HHLA2: variants seen among roughly 807,000 people sequenced by gnomAD.
HHLA2 encodes the protein HERV-H LTR-associating protein 2.
Under a neutral mutation model 45.9 loss-of-function variants are expected in HHLA2, and 48 were observed. The ratio of observed to expected loss-of-function variants is 1.05; its 90% confidence interval spans 0.83 to 1.33. The LOEUF (loss-of-function observed/expected upper bound fraction) is 1.33, where lower values mean the gene tolerates loss of function less well. Among genes scored for constraint, HHLA2 ranks in the 40% most tolerant of loss-of-function variants. The pLI is 0.00. For missense variants in HHLA2, 462 were observed against 494.3 expected (o/e 0.93, Z 0.62); for synonymous variants, 161 against 173.9 (o/e 0.93, Z 0.59).
In HHLA2 at chr3:108,357,843, G is replaced by C. The variant is rs765417491; in HGVS notation, c.686-1G>C. The stretch of plus-strand genomic sequence containing the variant: ...TGTTTTCTTTTCTATTGTGTTGTTA[G>C]ATGGCCTTCATAAAATGCAAAGTGA... On this transcript the variant is annotated splice_acceptor_variant, in intron 6 of 10. Transcript: ENST00000619531. LOFTEE classifies it high-confidence loss of function. The C allele has an allele frequency of 5.0e-6, 8 of 1,600,602 alleles. No individual in the cohort carries two copies. In the East Asian group the frequency reaches 1.8e-4, roughly 36 times the overall value.
At chr3:108,375,750 C>T (rs1317227517) in exon 9 of HHLA2, 3 of 1,610,462 alleles carry the variant, frequency 1.9e-6, no homozygotes, top group Non-Finnish European at 2.5e-6. Flanking sequence ...TGATCTACAG[C>T]CCAGCTAGAA....
intron 7 of HHLA2, among the ~76,000 whole-genome samples, chr3:108,361,486 T>C (rs150458125): frequency 6.6e-6 from 1 of 152,266 alleles, no homozygotes; most frequent in Non-Finnish European, 1.5e-5. Flanking sequence ...AGCACAAGAA[T>C]AGTGATGCTG....
rs767920847 is a variant in HHLA2, at chr3:108,376,565, A to G, written c.1224+8A>G. 6.2e-7 allele frequency: 1 copy of G among 1,610,606 alleles called. No homozygotes were observed. Among genetic ancestry groups the G allele is most frequent in the Non-Finnish European group, 8.5e-7 (1 of 1,177,564 alleles). On this transcript the variant is annotated splice_region_variant and intron_variant, in intron 10 of 10. Transcript: ENST00000619531. ...AATGGCGAAGAAAATGTGGTAAGGC[A>G]TTATTTCCTTTATCAAACCATATAC...
intron 2 of HHLA2, among the ~76,000 whole-genome samples, chr3:108,325,010 C>CT (rs888111964): frequency 1.3e-5 from 2 of 151,948 alleles, no homozygotes; most frequent in African/African-American, 4.8e-5. Context: ...AGACATCTCA[C>CT]TTTTTTTTAG....
At chr3:108,318,748 C>G (rs1458368123) in intron 2 of HHLA2, among the ~76,000 whole-genome samples, 1 of 152,182 alleles carries the variant, frequency 6.6e-6, no homozygotes, top group Non-Finnish European at 1.5e-5. Context: ...TTGCCTGTGT[C>G]TGTCTTTAAG....
intron 3 of HHLA2, among the ~76,000 whole-genome samples, chr3:108,333,702 A>G (rs369011137): frequency 3.3e-5 from 5 of 152,064 alleles, no homozygotes; most frequent in African/African-American, 1.2e-4. Context: ...AGAAATTCAG[A>G]TCTCGCTGAA....
At chr3:108,355,407 A>G in intron 6 of HHLA2, 26 bp downstream of exon 5, 1 of 1,591,350 alleles carries the variant, frequency 6.3e-7, no homozygotes, top group Non-Finnish European at 8.6e-7. Context: ...CTTTCTGTGT[A>G]CACGTGCTGT....
intron 7 of HHLA2, among the ~76,000 whole-genome samples, chr3:108,360,608 A>G (rs2081970039): frequency 6.6e-6 from 1 of 152,208 alleles, no homozygotes; most frequent in Non-Finnish European, 1.5e-5. Context: ...TAAATGATTC[A>G]TGGGGGTAGT....
Position 108,371,182 on chromosome 3 carries a change from C to T in HHLA2, c.1109-4568C>T, listed in dbSNP as rs556228064. On this transcript the variant is annotated intron_variant, in intron 8 of 10. Coordinates refer to ENST00000619531, the Ensembl canonical transcript of HHLA2. ...AGTGGGGGCCAATATTCAACATTCT[C>T]AAAGAAAAGAATTTTCAACCAGAAT... 2.7e-3 allele frequency among the ~76,000 whole-genome samples: 415 copies of T among 152,212 alleles called. 3 individuals carry two copies. Among genetic ancestry groups the T allele is most frequent in the African/African-American group, 9.6e-3 (398 of 41,544 alleles).
intron 3 of HHLA2, among the ~76,000 whole-genome samples, chr3:108,341,206 G>A (rs1347813324): frequency 1.3e-5 from 2 of 151,938 alleles, no homozygotes; most frequent in Non-Finnish European, 2.9e-5. Flanking sequence ...GCCCGCCTCG[G>A]CCTCCCAAAA....
At chr3:108,308,779 C>T (rs1050004369) in intron 1 of HHLA2, among the ~76,000 whole-genome samples, 6 of 152,138 alleles carry the variant, frequency 3.9e-5, no homozygotes, top group African/African-American at 9.7e-5. Flanking sequence ...AGCACCTTTT[C>T]GTATGCCTGT....
chr3:108,305,118 G>A (rs2016469), intron 1 of HHLA2, among the ~76,000 whole-genome samples: 50,212 of 152,084 alleles, frequency 0.33, 8,791 homozygotes, highest in Non-Finnish European at 0.38. Flanking sequence ...TTTTCTGCAT[G>A]GATTCAGATG....
At position 108,353,848 on chromosome 3, in the gene HHLA2, T is replaced by C. The variant is rs113866192; in HGVS notation, c.418+68T>C. On this transcript the variant is annotated intron_variant, in intron 5 of 10. Coordinates refer to ENST00000619531, the Ensembl canonical transcript of HHLA2. ...TTCCATGTTATTAGTAAGCGTCTTT[T>C]TCCTAATATGCCATGAGCTTCCTTC... 1.5e-5 allele frequency: 18 copies of C among 1,215,108 alleles called. 1 individual carries two copies. In the African/African-American group the frequency reaches 1.8e-4, roughly 12 times the overall value. 75.3% of individuals were successfully genotyped at this position (1,215,108 alleles called of 1,614,324 possible). A position where few individuals can be genotyped will look rare whatever the true frequency, so the allele number is the denominator to read the frequency against.
intron 2 of HHLA2, among the ~76,000 whole-genome samples, chr3:108,324,279 A>G (rs912654156): frequency 1.3e-5 from 2 of 152,192 alleles, no homozygotes; most frequent in African/African-American, 4.8e-5. Flanking sequence ...TGTGAATACA[A>G]GCATATATAT....
At chr3:108,335,817 G>A (rs146681511) in intron 3 of HHLA2, among the ~76,000 whole-genome samples, 13 of 152,122 alleles carry the variant, frequency 8.5e-5, no homozygotes, top group African/African-American at 3.1e-4. Context: ...TAGTGATAGG[G>A]GCTTTGTACA....
intron 3 of HHLA2, among the ~76,000 whole-genome samples, chr3:108,333,069 C>T (rs1348627698): frequency 2.0e-5 from 3 of 152,182 alleles, no homozygotes; most frequent in Non-Finnish European, 2.9e-5. Context: ...AATTTAAGAG[C>T]TCATGGTAAG....
chr3:108,305,243 G>A (rs2080910760), intron 1 of HHLA2, among the ~76,000 whole-genome samples: 1 of 152,166 alleles, frequency 6.6e-6, no homozygotes, highest in Admixed American at 6.5e-5. Flanking sequence ...AAAAACTCAG[G>A]GCTGTGAGAG....
chr3:108,354,917 T>C (rs1004520083), intron 5 of HHLA2, among the ~76,000 whole-genome samples, 198 bp from the exon 5 acceptor site: 1 of 152,220 alleles, frequency 6.6e-6, no homozygotes, highest in Non-Finnish European at 1.5e-5. Flanking sequence ...TTTTTATTTC[T>C]TCTAGATAAC....
At chr3:108,326,706 A>C (rs573477623) in intron 2 of HHLA2, 1 of 152,664 alleles carries the variant, frequency 6.6e-6, no homozygotes, top group African/African-American at 2.4e-5. Flanking sequence ...AAGAGTTCTC[A>C]CTGCTCAAAA....
Sources: allele counts gnomAD v4.1 joint callset (sites outside exome capture counted in the v4.1 genomes callset), GRCh38; gene constraint gnomAD v4.1.1; transcripts MANE v1.5; gene names NCBI Gene and HGNC (gene_info 2026-07-23, HGNC 2026-07-21).